Variants in MYO5B observed in about 807,000 individuals in gnomAD.
MYO5B encodes the protein myosin VB.
A neutral mutation model predicts 229.3 loss-of-function variants in MYO5B; 143 were observed. That is an observed-to-expected ratio of 0.62 (90% CI 0.54 to 0.72). The LOEUF is 0.72. Among genes scored for constraint, MYO5B ranks in the 30% least tolerant of loss-of-function variants. MYO5B has a pLI of 0.00. For synonymous variants in MYO5B, 918 were observed against 885.2 expected (o/e 1.04, Z -0.66); for missense variants, 2,321 against 2,331.0 (o/e 1.00, Z 0.09).
intron 1 of MYO5B, among the ~76,000 whole-genome samples, chr18:50,144,068 T>G (rs2032461588): frequency 6.6e-6 from 1 of 152,208 alleles, no homozygotes; most frequent in African/African-American, 2.4e-5. Flanking sequence ...CTTCTGGGCA[T>G]GTAACATCAC....
At chr18:49,854,065 C>A (rs1384440533) in intron 30 of MYO5B, among the ~76,000 whole-genome samples, 1 of 152,224 alleles carries the variant, frequency 6.6e-6, no homozygotes, top group Admixed American at 6.5e-5. Flanking sequence ...AAAACTCTGG[C>A]AAAACTGAGC....
intron 14 of MYO5B, among the ~76,000 whole-genome samples, chr18:49,938,233 A>G (rs900489727): frequency 6.6e-6 from 1 of 152,094 alleles, no homozygotes; most frequent in Non-Finnish European, 1.5e-5. Flanking sequence ...TGCCTGTTAT[A>G]TGGGGTTGTT....
chr18:50,028,060 G>A (rs2026349932), intron 4 of MYO5B, among the ~76,000 whole-genome samples: 1 of 152,168 alleles, frequency 6.6e-6, no homozygotes, highest in African/African-American at 2.4e-5. Flanking sequence ...AAAACTTTCA[G>A]GATTAAGGAA....
At chr18:50,043,029 C>T (rs904442131) in intron 2 of MYO5B, among the ~76,000 whole-genome samples, 1 of 148,394 alleles carries the variant, frequency 6.7e-6, no homozygotes, top group Non-Finnish European at 1.5e-5. Flanking sequence ...TGTGTAGATT[C>T]CTTAAAGAAC....
chr18:50,105,631 ATTTC>A (rs1024581808), intron 1 of MYO5B, among the ~76,000 whole-genome samples: 9 of 150,030 alleles, frequency 6.0e-5, no homozygotes, highest in African/African-American at 2.2e-4. Flanking sequence ...TGCAGGGTGC[ATTTC>A]TTTTTTTTTT....
chr18:50,124,247 C>T (rs1197581378), intron 1 of MYO5B, among the ~76,000 whole-genome samples: 1 of 152,212 alleles, frequency 6.6e-6, no homozygotes, highest in Non-Finnish European at 1.5e-5. Flanking sequence ...ATTTTATTCT[C>T]GAAGCTTTAT....
intron 29 of MYO5B, among the ~76,000 whole-genome samples, chr18:49,860,677 G>A (rs1015077255): frequency 1.3e-5 from 2 of 152,212 alleles, no homozygotes; most frequent in Admixed American, 6.5e-5. Flanking sequence ...GGCTATGACT[G>A]GGAATGTGAT....
At chr18:49,976,590 G>C (rs2025753850) in intron 9 of MYO5B, among the ~76,000 whole-genome samples, 1 of 152,202 alleles carries the variant, frequency 6.6e-6, no homozygotes, top group African/African-American at 2.4e-5. Context: ...ATGTTCTTAA[G>C]AAATTGCATT....
intron 1 of MYO5B, among the ~76,000 whole-genome samples, chr18:50,177,140 C>T (rs2033008457): frequency 7.1e-6 from 1 of 140,644 alleles, no homozygotes; most frequent in Non-Finnish European, 1.5e-5. Flanking sequence ...TTCATGGAAA[C>T]ACAGGCCATC....
chr18:50,183,808 T>G (rs909360920), intron 1 of MYO5B, among the ~76,000 whole-genome samples: 1 of 152,048 alleles, frequency 6.6e-6, no homozygotes, highest in Non-Finnish European at 1.5e-5. Flanking sequence ...AATGGTATGG[T>G]GCTGTTCTCA....
At chr18:50,095,865 T>C (rs751412464) in intron 1 of MYO5B, among the ~76,000 whole-genome samples, 2 of 152,216 alleles carry the variant, frequency 1.3e-5, no homozygotes, top group Non-Finnish European at 2.9e-5. Context: ...TCAGAGCTTC[T>C]TTGCTTCCAA....
chr18:50,121,495 A>AC (rs1246002815), intron 1 of MYO5B, among the ~76,000 whole-genome samples: 1 of 152,236 alleles, frequency 6.6e-6, no homozygotes, highest in Non-Finnish European at 1.5e-5. Flanking sequence ...AGCAGCATTC[A>AC]CCAGAGGACT....
intron 1 of MYO5B, 30 bp downstream of exon 1, chr18:50,194,737 C>G (rs2033277886): frequency 1.4e-6 from 2 of 1,457,586 alleles, no homozygotes; most frequent in East Asian, 2.9e-5. Flanking sequence ...CACCCCGGCC[C>G]CGGGGCGCCT....
intron 10 of MYO5B, among the ~76,000 whole-genome samples, chr18:49,965,035 A>G (rs1751299825): frequency 6.6e-6 from 1 of 152,260 alleles, no homozygotes; most frequent in South Asian, 2.1e-4. Context: ...AGAGACCGGC[A>G]GGAGAACAAC....
rs114617933 is a variant in MYO5B at position 49,984,390 on chromosome 18, A to T, written c.946+328T>A. Among the ~76,000 whole-genome samples, 1,384 of 152,322 alleles carry T rather than the reference A, an allele frequency of 9.1e-3. 26 individuals carry two copies. Among genetic ancestry groups the T allele is most frequent in the African/African-American group, 0.031 (1,293 of 41,562 alleles). ...CCTGCTAGAGCACACTTGAGCCCAG[A>T]CCACAGCACGAGAAGACGTGGCTAC... On this transcript the variant is annotated intron_variant, in intron 8 of 39. Transcript: ENST00000285039.
chr18:50,060,835 C>T (rs1354435265), intron 1 of MYO5B, among the ~76,000 whole-genome samples: 2 of 152,170 alleles, frequency 1.3e-5, no homozygotes, highest in Non-Finnish European at 2.9e-5. Context: ...CAGGCAACAC[C>T]CCATCCTACT....
At position 49,862,861 on chromosome 18, in the gene MYO5B, T is replaced by C. The variant is rs200604256; in HGVS notation, c.3944+366A>G. On this transcript the variant is annotated intron_variant, in intron 29 of 39. Transcript: ENST00000285039. ...TGCATGAGAAGGGCATTGCAGCAGA[T>C]GGCTAAGCAGCCCTCTGCTGCCAGT... is the stretch of plus-strand genomic sequence containing the variant. Among the ~76,000 whole-genome samples the C allele has an allele frequency of 8.5e-5, 13 of 152,072 alleles. No homozygotes were observed. In the East Asian group the frequency reaches 1.7e-3, roughly 20 times the overall value.
intron 32 of MYO5B, among the ~76,000 whole-genome samples, chr18:49,847,926 G>C (rs1040260091): frequency 6.6e-6 from 1 of 152,228 alleles, no homozygotes; most frequent in Non-Finnish European, 1.5e-5. Context: ...TGCAGTCTTT[G>C]CAACTACATA....
At chr18:50,160,027 T>C (rs2032741239) in intron 1 of MYO5B, among the ~76,000 whole-genome samples, 2 of 152,226 alleles carry the variant, frequency 1.3e-5, no homozygotes, top group South Asian at 4.1e-4. Flanking sequence ...GCAGACGTGA[T>C]GGCATGGCCA....
Sources: gnomAD v4.1 joint callset for allele counts (sites outside exome capture counted in the v4.1 genomes callset) on GRCh38, gnomAD v4.1.1 for gene constraint, MANE v1.5 for transcripts, NCBI Gene and HGNC (gene_info 2026-07-23, HGNC 2026-07-21) for gene names.